DAW1: variants seen among roughly 807,000 people sequenced by gnomAD.
The protein encoded by DAW1 is dynein assembly factor with WD repeats 1, also known as dynein assembly factor with WD repeat domains 1.
Under a neutral mutation model 56.5 loss-of-function variants are expected in DAW1, and 47 were observed. That is an observed-to-expected ratio of 0.83 (90% CI 0.66 to 1.06). The LOEUF (loss-of-function observed/expected upper bound fraction) is 1.06. Ranked by LOEUF, DAW1 falls within the 50% of genes least tolerant of loss-of-function variation. The probability of loss-of-function intolerance (pLI) is 0.00; values close to 1 mark genes in which losing one functional copy is unlikely to be tolerated. For synonymous variants in DAW1, 190 were observed against 179.0 expected (o/e 1.06, Z -0.49); for missense variants, 505 against 499.3 (o/e 1.01, Z -0.11).
At chr2:227,894,467 T>C (rs1196300773) in intron 5 of DAW1, among the ~76,000 whole-genome samples, 1 of 151,872 alleles carries the variant, frequency 6.6e-6, no homozygotes, top group Non-Finnish European at 1.5e-5. Context: ...CGCACGGTAG[T>C]AAAGAGGAGA....
At chr2:227,873,847 A>C (rs1022388717) in intron 1 of DAW1, among the ~76,000 whole-genome samples, 1 of 151,990 alleles carries the variant, frequency 6.6e-6, no homozygotes, top group African/African-American at 2.4e-5. Context: ...AGCCCAGCTA[A>C]TTTTTGTATT....
At chr2:227,897,912 G>A (rs1279235027) in intron 5 of DAW1, among the ~76,000 whole-genome samples, 1 of 151,546 alleles carries the variant, frequency 6.6e-6, no homozygotes, top group Non-Finnish European at 1.5e-5. Flanking sequence ...TAAACCTTTT[G>A]CTACATTCAT....
intron 2 of DAW1, among the ~76,000 whole-genome samples, chr2:227,885,975 CTTTTTTT>C (rs10655811): frequency 0.054 from 7,175 of 132,006 alleles, 241 homozygotes; most frequent in Middle Eastern, 0.11. Context: ...TTTTTCTTTC[CTTTTTTT>C]TTTTTTTTTG....
At chr2:227,904,258 T>C (rs1396462313) in intron 7 of DAW1, among the ~76,000 whole-genome samples, 1 of 152,242 alleles carries the variant, frequency 6.6e-6, no homozygotes, top group African/African-American at 2.4e-5. Context: ...ATTCTTTGTA[T>C]TATTTAAAAG....
intron 5 of DAW1, among the ~76,000 whole-genome samples, chr2:227,894,371 G>A (rs985582621): frequency 2.0e-5 from 3 of 152,008 alleles, no homozygotes; most frequent in Admixed American, 6.5e-5. Flanking sequence ...AGCCCAGATC[G>A]CACCATTGCA....
intron 11 of DAW1, among the ~76,000 whole-genome samples, chr2:227,920,997 A>G (rs925316470): frequency 1.3e-5 from 2 of 152,146 alleles, no homozygotes; most frequent in African/African-American, 4.8e-5. Flanking sequence ...TGTGCTTTTG[A>G]CCACAAAGAT....
At chr2:227,896,368 G>A (rs1404179473) in intron 5 of DAW1, among the ~76,000 whole-genome samples, 1 of 152,084 alleles carries the variant, frequency 6.6e-6, no homozygotes, top group African/African-American at 2.4e-5. Context: ...ATGTGTTTGG[G>A]TGTCTATCTG....
intron 1 of DAW1, among the ~76,000 whole-genome samples, chr2:227,878,657 G>A (rs1388517883): frequency 2.6e-5 from 4 of 152,180 alleles, no homozygotes; most frequent in Admixed American, 6.5e-5. Flanking sequence ...CTAGGAGTTC[G>A]AGACTACAGT....
chr2:227,905,882 T>G (rs1721337), intron 8 of DAW1, among the ~76,000 whole-genome samples: 129,729 of 151,942 alleles, frequency 0.85, 55,532 homozygotes, highest in Middle Eastern at 0.96. Flanking sequence ...AGCCTCCCGA[T>G]TAGCAGGGAC....
Position 227,923,844 on chromosome 2 carries a change from C to T in DAW1, c.1214-90C>T. 2.7e-6 allele frequency: 4 copies of T among 1,504,796 alleles called. No individual in the cohort carries two copies. The Middle Eastern group carries it at 6.9e-4, about 258-fold the overall frequency. 93.2% of individuals were successfully genotyped at this position (1,504,796 alleles called of 1,614,324 possible). A position where few individuals can be genotyped will look rare whatever the true frequency, so the allele number is the denominator to read the frequency against. On this transcript the variant is annotated intron_variant, in intron 12 of 12. Transcript: ENST00000309931. ...GCCCATTTAGCAAGTTGTTAATTAC[C>T]AATGGCCCAGAAAATGTCAACTTGT...
chr2:227,900,217 A>G (rs1033786115), intron 6 of DAW1, among the ~76,000 whole-genome samples: 1 of 152,182 alleles, frequency 6.6e-6, no homozygotes, highest in Non-Finnish European at 1.5e-5. Flanking sequence ...TTGAAAGCTT[A>G]AGTAACTTGC....
rs762929017 is a variant in DAW1, at chr2:227,923,919, A to T, written c.1214-15A>T. On this transcript the variant is annotated splice_polypyrimidine_tract_variant and intron_variant, in intron 12 of 12. Coordinates refer to ENST00000309931, the MANE Select transcript of DAW1 (RefSeq NM_178821.3). ...AATGAAGAAAAAAATAACTGCATGA[A>T]ATCTGTTTTATTAGGCAGCAAGGAT... The T allele has an allele frequency of 6.2e-7, 1 of 1,613,624 alleles. No homozygotes were observed. The highest frequency in any genetic ancestry group is 8.5e-7 in the Non-Finnish European group (1 of 1,179,660).
intron 1 of DAW1, among the ~76,000 whole-genome samples, chr2:227,876,664 T>C (rs1387269398): frequency 6.6e-6 from 1 of 152,246 alleles, no homozygotes; most frequent in Non-Finnish European, 1.5e-5. Context: ...GGGCATTGTC[T>C]TGCTGCTATC....
In DAW1 at chr2:227,878,554, T is replaced by C. The variant is rs143542671; in HGVS notation, c.41-6797T>C. On this transcript the variant is annotated intron_variant, in intron 1 of 12. Coordinates refer to ENST00000309931, the MANE Select transcript of DAW1 (RefSeq NM_178821.3). ...CTGAGAAACATAGTGAAATCTTGTT[T>C]CTACAAAAAATTAAAAAATTAGCTG... 6.6e-5 allele frequency among the ~76,000 whole-genome samples: 10 copies of C among 152,236 alleles called. No individual in the cohort carries two copies. In the East Asian group the frequency reaches 1.7e-3, roughly 27 times the overall value.
intron 2 of DAW1, among the ~76,000 whole-genome samples, chr2:227,886,239 A>G (rs904634004): frequency 2.0e-5 from 3 of 152,152 alleles, no homozygotes; most frequent in African/African-American, 7.2e-5. Flanking sequence ...AGGGAGACCT[A>G]ATCTCTATTA....
Position 227,898,258 on chromosome 2 carries a change from T to G in DAW1, c.517T>G (p.Phe173Val). ...SVETGKCYHT[F>V]RGHTAEIVCL... ...GGAAACAGGAAAATGTTACCATACCTTCAGGGGTCATACAGCAGAAATAGT... is the reference window on the plus strand; with the variant it reads ...GGAAACAGGAAAATGTTACCATACCGTCAGGGGTCATACAGCAGAAATAGT... The change falls in exon 6 of 13, where the codon TTC becomes GTC. Residue 173 changes from phenylalanine (F) to valine (V), a missense_variant. Phe to Val is a conservative substitution (Grantham distance 50, BLOSUM62 -1). Coordinates refer to ENST00000309931, the MANE Select transcript of DAW1 (RefSeq NM_178821.3). 1 of 1,560,722 alleles carries G rather than the reference T, an allele frequency of 6.4e-7. No individual in the cohort carries two copies. Among genetic ancestry groups the G allele is most frequent in the Non-Finnish European group, 8.7e-7 (1 of 1,149,688 alleles).
chr2:227,877,917 G>A (rs369181686), intron 1 of DAW1, among the ~76,000 whole-genome samples: 6 of 152,224 alleles, frequency 3.9e-5, no homozygotes, highest in African/African-American at 4.8e-5. Flanking sequence ...TTGTCACAGC[G>A]AAGCAGTCAA....
intron 10 of DAW1, among the ~76,000 whole-genome samples, chr2:227,911,586 G>A (rs1164948043): frequency 1.3e-5 from 2 of 151,878 alleles, no homozygotes; most frequent in African/African-American, 2.4e-5. Flanking sequence ...TATACAAAGG[G>A]CTGTGCTATA....
chr2:227,918,426 T>C (rs1692025448), intron 10 of DAW1, among the ~76,000 whole-genome samples: 1 of 152,224 alleles, frequency 6.6e-6, no homozygotes, highest in African/African-American at 2.4e-5. Flanking sequence ...TAGTGTATCA[T>C]GCTGGTCTTG....
Sources: allele counts gnomAD v4.1 joint callset (sites outside exome capture counted in the v4.1 genomes callset), GRCh38; gene constraint gnomAD v4.1.1; transcripts MANE v1.5; gene names NCBI Gene and HGNC (gene_info 2026-07-23, HGNC 2026-07-21).